MIPOL1: variants seen among roughly 807,000 people sequenced by gnomAD.
MIPOL1 encodes mirror-image polydactyly gene 1 protein.
MIPOL1 carries 57 observed loss-of-function variants against 60.9 expected under a neutral mutation model. The ratio of observed to expected loss-of-function variants is 0.94; its 90% CI spans 0.76 to 1.17. MIPOL1 has a LOEUF of 1.17. Ranked by LOEUF, MIPOL1 falls within the 50% of genes most tolerant of loss-of-function variation. MIPOL1 has a pLI of 0.00. For synonymous variants in MIPOL1, 179 were observed against 168.8 expected, an observed-to-expected ratio of 1.06 and a Z score of -0.47; for missense variants, 551 against 511.6, an observed-to-expected ratio of 1.08 and a Z score of -0.74.
At chr14:37,528,991 T>C (rs2095464551) in intron 12 of MIPOL1, among the ~76,000 whole-genome samples, 1 of 152,190 alleles carries the variant, frequency 6.6e-6, no homozygotes, top group Admixed American at 6.5e-5. Flanking sequence ...GTGATTTAAA[T>C]CTTCAGGTAT....
chr14:37,308,643 A>T (rs1010687136), intron 9 of MIPOL1, 124 bp downstream of exon 9: 3 of 527,348 alleles, frequency 5.7e-6, no homozygotes, highest in Non-Finnish European at 9.5e-6. Context: ...CATAATTAAT[A>T]CCACAGTGAT....
chr14:37,488,623 G>T (rs1232577534), intron 11 of MIPOL1, among the ~76,000 whole-genome samples: 1 of 152,028 alleles, frequency 6.6e-6, no homozygotes, highest in Admixed American at 6.6e-5. Context: ...CTCTTGTGAG[G>T]CACACCTGGT....
intron 12 of MIPOL1, among the ~76,000 whole-genome samples, chr14:37,510,537 T>C (rs1594801163): frequency 6.6e-6 from 1 of 152,014 alleles, no homozygotes; most frequent in Non-Finnish European, 1.5e-5. Flanking sequence ...GCACCAGGCA[T>C]AGGTGGTATT....
chr14:37,331,135 G>A (rs1478323408), intron 9 of MIPOL1, among the ~76,000 whole-genome samples: 1 of 151,694 alleles, frequency 6.6e-6, no homozygotes, highest in African/African-American at 2.4e-5. Flanking sequence ...GATTGCCATA[G>A]CTTTGTAGCA....
intron 11 of MIPOL1, among the ~76,000 whole-genome samples, chr14:37,454,894 A>G (rs2094460295): frequency 6.6e-6 from 1 of 152,206 alleles, no homozygotes; most frequent in Non-Finnish European, 1.5e-5. Context: ...GATTATAAAA[A>G]ATTCTTACTG....
intron 11 of MIPOL1, among the ~76,000 whole-genome samples, chr14:37,475,268 A>G (rs1176947378): frequency 6.6e-6 from 1 of 151,980 alleles, no homozygotes; most frequent in East Asian, 1.9e-4. Context: ...AAATTAAGTT[A>G]TTTATTTTCT....
At chr14:37,450,909 A>G (rs989044575) in intron 11 of MIPOL1, among the ~76,000 whole-genome samples, 4 of 152,268 alleles carry the variant, frequency 2.6e-5, no homozygotes, top group East Asian at 3.9e-4. Context: ...ATTTTCTAGC[A>G]TAGAAATAAG....
Position 37,548,822 on chromosome 14 carries a change from A to G in MIPOL1, c.*1851A>G, listed in dbSNP as rs942215135. On this transcript the variant is annotated 3_prime_UTR_variant, in exon 13 of 13. Coordinates refer to ENST00000684589, the MANE Select transcript of MIPOL1 (RefSeq NM_001388067.1). The stretch of plus-strand genomic sequence containing the variant: ...TAAAGACATTTCACAATTTCCAAAC[A>G]AATCTTTCTACGCTTAAATGATCAA... 1 of 152,046 alleles carries G rather than the reference A, an allele frequency of 6.6e-6. No individual in the cohort carries two copies. Among genetic ancestry groups the G allele is most frequent in the Non-Finnish European group, 1.5e-5 (1 of 67,868 alleles). The allele number at this position is 152,046 out of a possible 1,614,324, so 9.4% of individuals were successfully genotyped here.
chr14:37,238,437 G>T (rs748851843), intron 1 of MIPOL1, among the ~76,000 whole-genome samples: 2 of 152,034 alleles, frequency 1.3e-5, no homozygotes, highest in African/African-American at 2.4e-5. Flanking sequence ...CTTCCCTCAG[G>T]AGGCATATAA....
intron 4 of MIPOL1, among the ~76,000 whole-genome samples, chr14:37,268,412 A>G (rs897257459): frequency 6.6e-6 from 1 of 152,124 alleles, no homozygotes; most frequent in Non-Finnish European, 1.5e-5. Flanking sequence ...TTACAACAGG[A>G]GATGTACGTG....
At chr14:37,484,965 G>C (rs1594646908) in intron 11 of MIPOL1, among the ~76,000 whole-genome samples, 1 of 152,146 alleles carries the variant, frequency 6.6e-6, no homozygotes, top group Non-Finnish European at 1.5e-5. Context: ...ACCTACATTA[G>C]GTATTTCTCC....
In MIPOL1 at chr14:37,273,821, A is replaced by G. The variant is rs553220455; in HGVS notation, c.493+3296A>G. Among the ~76,000 whole-genome samples the G allele has an allele frequency of 2.0e-5, 3 of 151,662 alleles. No homozygotes were observed. In the South Asian group the frequency reaches 6.2e-4, roughly 31 times the overall value. On this transcript the variant is annotated intron_variant, in intron 6 of 12. Transcript: ENST00000684589. ...GTAAAATGTGAATATTAACCAACTT[A>G]CCAGATTATTTTAAGGATTAGTGTT...
chr14:37,526,224 C>A, intron 12 of MIPOL1, among the ~76,000 whole-genome samples: 1 of 145,286 alleles, frequency 6.9e-6, no homozygotes, highest in African/African-American at 2.6e-5. Context: ...AAATACTGAA[C>A]ACAACAAAAC....
At chr14:37,521,780 A>G (rs1341787156) in intron 12 of MIPOL1, among the ~76,000 whole-genome samples, 1 of 151,870 alleles carries the variant, frequency 6.6e-6, no homozygotes, top group Non-Finnish European at 1.5e-5. Flanking sequence ...AAGTTTAATA[A>G]AAATGTTATT....
intron 12 of MIPOL1, among the ~76,000 whole-genome samples, chr14:37,521,534 T>C (rs547682233): frequency 2.7e-4 from 41 of 152,258 alleles, no homozygotes; most frequent in African/African-American, 8.7e-4. Context: ...ATATACTTTC[T>C]GCTTGCTTTA....
At chr14:37,468,035 CAG>C (rs906570879) in intron 11 of MIPOL1, among the ~76,000 whole-genome samples, 17 of 137,724 alleles carry the variant, frequency 1.2e-4, no homozygotes, top group Non-Finnish European at 2.4e-4. Flanking sequence ...GCCTGGGTGA[CAG>C]AGTGAGTCTC....
intron 6 of MIPOL1, among the ~76,000 whole-genome samples, chr14:37,279,879 CA>C (rs1450317855): frequency 6.6e-6 from 1 of 152,016 alleles, no homozygotes; most frequent in Non-Finnish European, 1.5e-5. Context: ...AATAGATCAC[CA>C]GAACCTATTC....
chr14:37,545,690 C>T, intron 12 of MIPOL1: 1 of 652,232 alleles, frequency 1.5e-6, no homozygotes, highest in South Asian at 1.7e-5. Context: ...CAAAATCATC[C>T]AATAAACTTC....
intron 12 of MIPOL1, among the ~76,000 whole-genome samples, chr14:37,510,835 G>T (rs551002117): frequency 6.6e-6 from 1 of 152,164 alleles, no homozygotes; most frequent in Non-Finnish European, 1.5e-5. Flanking sequence ...CCAACCCAGA[G>T]CCCAGAGTTT....
Sources: gnomAD v4.1 joint callset for allele counts (sites outside exome capture counted in the v4.1 genomes callset) on GRCh38, gnomAD v4.1.1 for gene constraint, MANE v1.5 for transcripts, NCBI Gene and HGNC (gene_info 2026-07-23, HGNC 2026-07-21) for gene names.